The following PGM5 variants were observed in gnomAD, a reference collection of about 807,000 sequenced individuals.
PGM5 encodes phosphoglucomutase 5, also known as phosphoglucomutase-like protein 5.
PGM5 carries 23 observed loss-of-function variants against 59.2 expected under a neutral mutation model. The observed-to-expected ratio is 0.39, with a 90% CI of 0.28 to 0.55. PGM5 has a LOEUF of 0.55. Among genes scored for constraint, PGM5 ranks in the 20% least tolerant of loss-of-function variants. PGM5 has a pLI of 0.66. For synonymous variants in PGM5, 214 were observed against 286.0 expected, an observed-to-expected ratio of 0.75 and a Z score of 2.54; for missense variants, 574 against 748.3, an observed-to-expected ratio of 0.77 and a Z score of 2.72.
Position 68,499,268 on chromosome 9 carries a change from C to T in PGM5, c.1521C>T (p.Phe507=), listed in dbSNP as rs1554688415. The change falls in exon 10 of 11, where the codon TTC becomes TTT. Residue 507 remains phenylalanine (F), a synonymous_variant. Coordinates refer to ENST00000396396, the MANE Select transcript of PGM5 (RefSeq NM_021965.4). ...IIFSDASRLI[F]RLSSSSGVRA... ...TCTCGGATGCATCACGGCTCATCTTCCGGCTCAGTTCCTCCAGTGGTGTGC... is the reference window on the plus strand; with the variant it reads ...TCTCGGATGCATCACGGCTCATCTTTCGGCTCAGTTCCTCCAGTGGTGTGC... The T allele has an allele frequency of 1.2e-6, 2 of 1,614,196 alleles. No individual in the cohort carries two copies. The highest frequency in any genetic ancestry group is 3.3e-5 in the Admixed American group (2 of 60,034).
intron 3 of PGM5, among the ~76,000 whole-genome samples, chr9:68,384,998 T>C (rs1554678727): frequency 6.6e-6 from 1 of 151,988 alleles, no homozygotes; most frequent in East Asian, 1.9e-4. Flanking sequence ...GCATAATTAT[T>C]GATCACCTGC....
At chr9:68,519,092 G>C (rs2132117843) in intron 10 of PGM5, among the ~76,000 whole-genome samples, 1 of 152,284 alleles carries the variant, frequency 6.6e-6, no homozygotes, top group South Asian at 2.1e-4. Context: ...TCTTAATCTA[G>C]TGAAACTTTC....
At chr9:68,413,359 A>G (rs644048) in intron 6 of PGM5, among the ~76,000 whole-genome samples, 148,092 of 151,728 alleles carry the variant, frequency 0.98, 72,401 homozygotes, top group East Asian at 1. Context: ...CAATGGAGGG[A>G]AATTCTCCCC....
chr9:68,465,457 G>A (rs1308417212), intron 7 of PGM5, among the ~76,000 whole-genome samples: 1 of 152,110 alleles, frequency 6.6e-6, no homozygotes, highest in African/African-American at 2.4e-5. Context: ...TAAGAGTAGA[G>A]AGAATATCGC....
intron 6 of PGM5, among the ~76,000 whole-genome samples, chr9:68,433,988 G>A (rs962215220): frequency 3.9e-5 from 6 of 152,132 alleles, no homozygotes; most frequent in Non-Finnish European, 7.4e-5. Context: ...GTTCCTAAGA[G>A]ACCCTCAAAG....
chr9:68,357,428 G>A (rs1479997579), intron 1 of PGM5, 40 bp downstream of exon 1: 3 of 1,543,724 alleles, frequency 1.9e-6, no homozygotes, highest in East Asian at 2.4e-5. Flanking sequence ...CCGCGCCGCC[G>A]CCATGCCCTC....
chr9:68,398,653 A>G (rs1387568493), intron 6 of PGM5: 1 of 152,224 alleles, frequency 6.6e-6, no homozygotes, highest in Non-Finnish European at 1.5e-5. Context: ...ACCAAACTGC[A>G]CTGGAAGCCA....
chr9:68,447,192 T>C (rs2132067284), intron 6 of PGM5, among the ~76,000 whole-genome samples: 1 of 152,338 alleles, frequency 6.6e-6, no homozygotes. Context: ...TCATGCTCAC[T>C]GCCAAATGCA....
chr9:68,376,805 CTT>C lies in PGM5; in HGVS notation c.262-1392_262-1391del, dbSNP rs1253041328. Among the ~76,000 whole-genome samples, 84 of 115,828 alleles carry C rather than the reference CTT, an allele frequency of 7.3e-4. 1 individual carries two copies. Among genetic ancestry groups the C allele is most frequent in the Admixed American group, 2.2e-3 (24 of 10,856 alleles). The allele number at this position is 115,828 out of a possible 152,430, so 76.0% of individuals were successfully genotyped here. On this transcript the variant is annotated intron_variant, in intron 1 of 10. Transcript: ENST00000396396. The stretch of plus-strand genomic sequence containing the variant: ...TCTTTCTTTCTTTCTTTCTTTCTTT[CTT>C]TCTTTCTTTCTTTCTTTCTTTCTTT...
chr9:68,385,630 G>T (rs1408533284), intron 3 of PGM5, among the ~76,000 whole-genome samples: 1 of 151,936 alleles, frequency 6.6e-6, no homozygotes, highest in East Asian at 1.9e-4. Context: ...GTGTGCACAT[G>T]CATGGGATGG....
At chr9:68,457,154 A>G (rs1169304138) in intron 6 of PGM5, among the ~76,000 whole-genome samples, 2 of 152,144 alleles carry the variant, frequency 1.3e-5, no homozygotes, top group African/African-American at 4.8e-5. Context: ...CTCTCAATCT[A>G]TGGCTTACTT....
At chr9:68,387,795 T>G (rs1336028504) in intron 4 of PGM5, among the ~76,000 whole-genome samples, 1 of 151,966 alleles carries the variant, frequency 6.6e-6, no homozygotes, top group African/African-American at 2.4e-5. Flanking sequence ...CAAATGAGTT[T>G]GAGGCTATGC....
rs79234524 is a variant in PGM5, at chr9:68,479,333, A to G, written c.1160-85A>G. On this transcript the variant is annotated intron_variant, in intron 7 of 10. Transcript: ENST00000396396. ...TCCAATCATTTCTACATAACATTCA[A>G]TCACTAACTGGTCTTCTTAATTCAT... is the stretch of plus-strand genomic sequence containing the variant. 5,627 of 1,256,284 alleles carry G rather than the reference A, an allele frequency of 4.5e-3. 13 individuals carry two copies. Among genetic ancestry groups the G allele is most frequent in the Non-Finnish European group, 5.8e-3 (5,250 of 900,230 alleles). 77.8% of individuals were successfully genotyped at this position (1,256,284 alleles called of 1,614,324 possible). A position where few individuals can be genotyped will look rare whatever the true frequency, so the allele number is the denominator to read the frequency against.
chr9:68,404,840 G>C (rs1279275004), intron 6 of PGM5, among the ~76,000 whole-genome samples: 1 of 152,216 alleles, frequency 6.6e-6, no homozygotes, highest in African/African-American at 2.4e-5. Flanking sequence ...GCAAATTAGA[G>C]AAAACTAGCT....
chr9:68,467,872 G>C (rs1823958857), intron 7 of PGM5, among the ~76,000 whole-genome samples: 1 of 152,012 alleles, frequency 6.6e-6, no homozygotes, highest in African/African-American at 2.4e-5. Flanking sequence ...TGCAATTATA[G>C]TAATTATTAA....
intron 1 of PGM5, among the ~76,000 whole-genome samples, chr9:68,376,874 CTT>C (rs1563985011): frequency 2.0e-5 from 2 of 100,986 alleles, no homozygotes; most frequent in East Asian, 5.7e-4. Context: ...TTTTCTTTCT[CTT>C]TCTTTCTTTT....
intron 6 of PGM5, chr9:68,396,148 C>T (rs1554679955): frequency 6.6e-6 from 1 of 152,116 alleles, no homozygotes; most frequent in African/African-American, 2.4e-5. Flanking sequence ...AACATATCAA[C>T]TCACTTGATC....
intron 9 of PGM5, among the ~76,000 whole-genome samples, chr9:68,494,418 G>A (rs1303384118): frequency 5.3e-5 from 8 of 151,984 alleles, no homozygotes; most frequent in African/African-American, 1.7e-4. Flanking sequence ...TCCTTATAAG[G>A]GACATGTAGC....
At chr9:68,455,356 A>G (rs1415199334) in intron 6 of PGM5, among the ~76,000 whole-genome samples, 1 of 152,192 alleles carries the variant, frequency 6.6e-6, no homozygotes, top group Admixed American at 6.5e-5. Flanking sequence ...TCTATTGTCC[A>G]AAAAACAGGA....
Sources: allele counts gnomAD v4.1 joint callset (sites outside exome capture counted in the v4.1 genomes callset), GRCh38; gene constraint gnomAD v4.1.1; transcripts MANE v1.5; gene names NCBI Gene and HGNC (gene_info 2026-07-23, HGNC 2026-07-21).